The following ANK3 variants were observed in gnomAD, a reference collection of about 807,000 sequenced individuals.
ANK3 encodes ankyrin-3.
Under a neutral mutation model 370.9 loss-of-function variants are expected in ANK3, and 57 were observed. The observed-to-expected ratio is 0.15, with a 90% CI of 0.12 to 0.19. The LOEUF (loss-of-function observed/expected upper bound fraction) is 0.19, where lower values mean the gene tolerates loss of function less well. Among genes scored for constraint, ANK3 ranks in the 10% least tolerant of loss-of-function variants. The pLI, the probability that ANK3 is intolerant of heterozygous loss-of-function variation, is 1.00. For synonymous variants in ANK3, 1,929 were observed against 1,946.3 expected (o/e 0.99, Z 0.23); for missense variants, 4,439 against 5,302.1 (o/e 0.84, Z 5.06).
intron 1 of ANK3, among the ~76,000 whole-genome samples, chr10:60,628,529 A>G (rs1347413691): frequency 9.9e-5 from 15 of 152,220 alleles, no homozygotes. Context: ...CCTCTGCTGC[A>G]GAAAGGAATA....
chr10:60,033,878 A>G (rs1048688905), intron 43 of ANK3, among the ~76,000 whole-genome samples: 1 of 152,178 alleles, frequency 6.6e-6, no homozygotes, highest in Non-Finnish European at 1.5e-5. Flanking sequence ...TAAAACAACA[A>G]CAATATCCAG....
intron 7 of ANK3, among the ~76,000 whole-genome samples, chr10:60,247,208 G>T (rs904484005): frequency 1.3e-5 from 2 of 151,866 alleles, no homozygotes; most frequent in East Asian, 1.9e-4. Flanking sequence ...TAGTGGAGAC[G>T]GGGTTTCACC....
At chr10:60,442,581 C>G (rs1330561041) in intron 2 of ANK3, among the ~76,000 whole-genome samples, 1 of 151,982 alleles carries the variant, frequency 6.6e-6, no homozygotes, top group East Asian at 1.9e-4. Flanking sequence ...AGATATGTAA[C>G]CTATGGATGT....
intron 4 of ANK3, among the ~76,000 whole-genome samples, chr10:60,276,417 T>C (rs1211905485): frequency 1.3e-5 from 2 of 152,178 alleles, no homozygotes; most frequent in African/African-American, 4.8e-5. Context: ...GAATTATCAT[T>C]GAAACTCCAT....
chr10:60,675,092 A>G (rs553304418), intron 1 of ANK3, among the ~76,000 whole-genome samples: 58 of 152,324 alleles, frequency 3.8e-4, no homozygotes, highest in Non-Finnish European at 6.8e-4. Flanking sequence ...TCAGTTTTGG[A>G]TTTTACAGTT....
intron 7 of ANK3, 80 bp downstream of exon 7, chr10:60,261,779 C>T (rs1196855079): frequency 1.5e-6 from 2 of 1,308,832 alleles, no homozygotes; most frequent in African/African-American, 1.5e-5. Flanking sequence ...AAAATTTGTC[C>T]CAACATCCTC....
At chr10:60,530,514 G>A (rs934783227) in intron 2 of ANK3, among the ~76,000 whole-genome samples, 2 of 151,574 alleles carry the variant, frequency 1.3e-5, no homozygotes, top group Admixed American at 1.3e-4. Context: ...CTAAGGCACT[G>A]GGGCTGACTA....
At chr10:60,064,318 T>A (rs75243240) in intron 38 of ANK3, 30 bp from the exon 39 acceptor site, 32,844 of 1,546,300 alleles carry the variant, frequency 0.021, 919 homozygotes, top group African/African-American at 0.12. Flanking sequence ...TTACTAAGAT[T>A]GCATATTCTA....
intron 16 of ANK3, 47 bp downstream of exon 16, chr10:60,196,098 G>A (rs1236938320): frequency 1.3e-6 from 2 of 1,528,532 alleles, no homozygotes; most frequent in Non-Finnish European, 1.8e-6. Flanking sequence ...GATAGAGACT[G>A]ATAGACCTTA....
rs2077903638 is a variant in ANK3, at chr10:60,591,100, T to A, written c.96+24086A>T. Reference sequence around the variant, plus strand: ...AGCAGCAGGTTATTCACAGAAGTGATGACTGGGGTTGGCGTCCAGCAGCGA... The same window carrying A: ...AGCAGCAGGTTATTCACAGAAGTGAAGACTGGGGTTGGCGTCCAGCAGCGA... On this transcript the variant is annotated intron_variant, in intron 2 of 43. Coordinates refer to the ANK3 transcript ENST00000373827. Among the ~76,000 whole-genome samples, 6 of 152,056 alleles carry A rather than the reference T, an allele frequency of 3.9e-5. No homozygotes were observed. The South Asian group carries it at 1.0e-3, about 26-fold the overall frequency.
intron 42 of ANK3, among the ~76,000 whole-genome samples, chr10:60,046,395 C>T (rs1051807792): frequency 2.6e-5 from 4 of 152,120 alleles, no homozygotes; most frequent in Non-Finnish European, 2.9e-5. Context: ...AATTAAAGAA[C>T]CCAGGAAAAT....
At chr10:60,298,486 C>G (rs1051029246) in intron 1 of ANK3, among the ~76,000 whole-genome samples, 1 of 152,160 alleles carries the variant, frequency 6.6e-6, no homozygotes, top group African/African-American at 2.4e-5. Context: ...TCCAGCAAAA[C>G]CCAGTACAGC....
chr10:60,633,759 T>C (rs1176452396), intron 1 of ANK3, among the ~76,000 whole-genome samples: 1 of 152,176 alleles, frequency 6.6e-6, no homozygotes, highest in Non-Finnish European at 1.5e-5. Context: ...GTAAAGGAAA[T>C]CATTGGCAGA....
Position 60,198,368 on chromosome 10 carries a change from T to C in ANK3, c.1661A>G (p.His554Arg). 4 of 1,614,230 alleles carry C rather than the reference T, an allele frequency of 2.5e-6. No individual in the cohort carries two copies. The highest frequency in any genetic ancestry group is 3.4e-6 in the Non-Finnish European group (4 of 1,180,028). The change falls in exon 14 of 44, where the codon CAT (histidine) becomes CGT (arginine). Residue 554 changes from histidine (H) to arginine (R), a missense_variant. His to Arg is a conservative substitution (Grantham distance 29). Around this residue, in one of 13 missense-constraint regions of ANK3, gnomAD observed 192 missense variants for 192.1 expected, o/e 1.00. Coordinates refer to ENST00000280772, the MANE Select transcript of ANK3 (RefSeq NM_020987.5). Reference protein sequence around the residue: ...HEDVAAFLLDHGASLSITTKK... With the variant: ...HEDVAAFLLDRGASLSITTKK... The stretch of plus-strand genomic sequence containing the variant: ...TGTTGTTATAGATAAAGACGCTCCA[T>C]GATCCAAAAGGAACGCGGCCACATC...
intron 2 of ANK3, chr10:60,572,912 G>GAC (rs766693649): frequency 6.1e-5 from 62 of 1,008,738 alleles, no homozygotes; most frequent in Admixed American, 1.6e-4. Flanking sequence ...GAGAGAGAGA[G>GAC]ACACACACAC....
At chr10:60,524,272 A>T (rs1200207174) in intron 2 of ANK3, among the ~76,000 whole-genome samples, 2 of 152,108 alleles carry the variant, frequency 1.3e-5, no homozygotes, top group African/African-American at 4.8e-5. Flanking sequence ...AGTCTGAGAA[A>T]CACTAGGTTA....
chr10:60,190,201 G>A (rs1024970857), intron 16 of ANK3, among the ~76,000 whole-genome samples: 3 of 152,144 alleles, frequency 2.0e-5, no homozygotes, highest in African/African-American at 4.8e-5. Context: ...AAAGGGTAAG[G>A]AGAAGGCATC....
chr10:60,400,609 G>A (rs945377029), intron 2 of ANK3, among the ~76,000 whole-genome samples: 10 of 152,028 alleles, frequency 6.6e-5, no homozygotes, highest in Non-Finnish European at 1.5e-4. Context: ...ATAAAAGCAG[G>A]TGCAGTCTGC....
chr10:60,671,552 G>A (rs1052633334), intron 1 of ANK3, among the ~76,000 whole-genome samples: 7 of 152,188 alleles, frequency 4.6e-5, no homozygotes, highest in African/African-American at 1.4e-4. Context: ...TTATAAGGGT[G>A]TATATATGTA....
Sources: gnomAD v4.1 joint callset for allele counts (sites outside exome capture counted in the v4.1 genomes callset) on GRCh38, gnomAD v4.1.1 for gene constraint, gnomAD v4.1.1 regional missense constraint, MANE v1.5 for transcripts, NCBI Gene and HGNC (gene_info 2026-07-23, HGNC 2026-07-21) for gene names.